The following UNC5C variants were observed in gnomAD, a reference collection of about 807,000 sequenced individuals.
The protein encoded by UNC5C is netrin receptor UNC5C.
UNC5C carries 47 observed loss-of-function variants against 99.8 expected under a neutral mutation model. The ratio of observed to expected loss-of-function variants is 0.47; its 90% CI spans 0.37 to 0.60. The LOEUF is 0.60. Ranked by LOEUF, UNC5C falls within the 20% of genes least tolerant of loss-of-function variation. The probability of loss-of-function intolerance (pLI) is 0.00; values close to 1 mark genes in which losing one functional copy is unlikely to be tolerated. For synonymous variants in UNC5C, 487 were observed against 452.2 expected, an observed-to-expected ratio of 1.08 and a Z score of -0.98; for missense variants, 1,062 against 1,165.9, an observed-to-expected ratio of 0.91 and a Z score of 1.30.
At chr4:95,364,736 G>C (rs767658540) in intron 1 of UNC5C, among the ~76,000 whole-genome samples, 2 of 152,118 alleles carry the variant, frequency 1.3e-5, no homozygotes, top group Non-Finnish European at 2.9e-5. Context: ...GATTACATGA[G>C]TAAGTACATC....
chr4:95,547,889 T>A (rs971247672), intron 1 of UNC5C, among the ~76,000 whole-genome samples: 4 of 152,226 alleles, frequency 2.6e-5, no homozygotes, highest in Non-Finnish European at 5.9e-5. Flanking sequence ...GGCCACACTC[T>A]TCCCAACCCG....
intron 1 of UNC5C, among the ~76,000 whole-genome samples, chr4:95,421,125 C>T (rs971511983): frequency 2.6e-5 from 4 of 152,226 alleles, no homozygotes; most frequent in African/African-American, 9.6e-5. Context: ...ATCCCCTCTC[C>T]AGTCATTTCT....
rs757885528 is a variant in UNC5C at position 95,202,969 on chromosome 4, G to A, written c.1903-5C>T. The stretch of plus-strand genomic sequence containing the variant: ...CTCCCCGACCACCACCACATCCTGG[G>A]GGACAAGAGGGAAGGGCCATGGCTA... On this transcript the variant is annotated splice_polypyrimidine_tract_variant and splice_region_variant and intron_variant, in intron 11 of 15. Coordinates refer to ENST00000453304, the MANE Select transcript of UNC5C (RefSeq NM_003728.4). 1.9e-6 allele frequency: 3 copies of A among 1,613,904 alleles called. No individual in the cohort carries two copies. The highest frequency in any genetic ancestry group is 4.5e-5 in the East Asian group (2 of 44,876).
chr4:95,263,272 C>T (rs1226282519), intron 4 of UNC5C, among the ~76,000 whole-genome samples: 1 of 152,150 alleles, frequency 6.6e-6, no homozygotes, highest in Admixed American at 6.5e-5. Context: ...GACATGGCAT[C>T]TTTTCCCACT....
chr4:95,371,148 CCTGT>C (rs1347867028), intron 1 of UNC5C, among the ~76,000 whole-genome samples: 3 of 152,182 alleles, frequency 2.0e-5, no homozygotes, highest in South Asian at 2.1e-4. Context: ...GGATTGAAAG[CCTGT>C]CTGTTTTCAG....
At chr4:95,539,978 G>C (rs550871378) in intron 1 of UNC5C, among the ~76,000 whole-genome samples, 2 of 149,248 alleles carry the variant, frequency 1.3e-5, no homozygotes, top group Non-Finnish European at 3.0e-5. Flanking sequence ...TTTTCACTGT[G>C]GTCATTTTAA....
chr4:95,282,102 C>G (rs534227269), intron 3 of UNC5C, among the ~76,000 whole-genome samples: 4 of 152,084 alleles, frequency 2.6e-5, no homozygotes, highest in Admixed American at 6.6e-5. Flanking sequence ...GCACTGGAAA[C>G]AGATGGCATC....
At chr4:95,437,216 T>A (rs947404494) in intron 1 of UNC5C, among the ~76,000 whole-genome samples, 1 of 151,834 alleles carries the variant, frequency 6.6e-6, no homozygotes, top group Non-Finnish European at 1.5e-5. Context: ...TAGTGTATCA[T>A]GTCAATTCTT....
chr4:95,178,430 T>C (rs1388219994), intron 14 of UNC5C, among the ~76,000 whole-genome samples: 1 of 149,856 alleles, frequency 6.7e-6, no homozygotes, highest in African/African-American at 2.5e-5. Context: ...TGGCTGTATT[T>C]GTAGGTTACT....
chr4:95,175,536 G>GA (rs1736304029), intron 14 of UNC5C, among the ~76,000 whole-genome samples: 1 of 152,084 alleles, frequency 6.6e-6, no homozygotes, highest in Admixed American at 6.5e-5. Context: ...ATTCTGGGTT[G>GA]AAAATTCTTT....
chr4:95,214,519 A>G lies in UNC5C; in HGVS notation c.1733+1605T>C, dbSNP rs946766742. Among the ~76,000 whole-genome samples the G allele has an allele frequency of 1.4e-4, 22 of 152,370 alleles. 2 individuals carry two copies. Among genetic ancestry groups the G allele is most frequent in the Admixed American group, 9.1e-4 (14 of 15,306 alleles). ...CTCTTTCTTTCATCTAAAATGTACAATTATCCTGGTTCGGCTGCCAAGGAA... is the reference window on the plus strand; with the variant it reads ...CTCTTTCTTTCATCTAAAATGTACAGTTATCCTGGTTCGGCTGCCAAGGAA... On this transcript the variant is annotated intron_variant, in intron 10 of 15. Coordinates refer to ENST00000453304, the MANE Select transcript of UNC5C (RefSeq NM_003728.4).
chr4:95,427,680 T>C (rs1746522731), intron 1 of UNC5C, among the ~76,000 whole-genome samples: 1 of 152,140 alleles, frequency 6.6e-6, no homozygotes, highest in African/African-American at 2.4e-5. Context: ...CATAATAGAC[T>C]CAGGATAGTG....
In UNC5C at chr4:95,323,286, C is replaced by A. The variant is rs1343656861; in HGVS notation, c.346+12124G>T. Among the ~76,000 whole-genome samples, 6 of 152,122 alleles carry A rather than the reference C, an allele frequency of 3.9e-5. No individual in the cohort carries two copies. The East Asian group carries it at 9.6e-4, about 24-fold the overall frequency. On this transcript the variant is annotated intron_variant, in intron 2 of 15. Coordinates refer to ENST00000453304, the MANE Select transcript of UNC5C (RefSeq NM_003728.4). ...GGAACAGTAAAAAACACAGACACGA[C>A]CCCGGATTTCATGGAGCTTTCTCTT...
chr4:95,260,416 A>G (rs1244088098), intron 4 of UNC5C, among the ~76,000 whole-genome samples: 1 of 152,178 alleles, frequency 6.6e-6, no homozygotes, highest in Non-Finnish European at 1.5e-5. Context: ...ATTAGGGATG[A>G]CATTCATTTA....
intron 1 of UNC5C, among the ~76,000 whole-genome samples, chr4:95,379,754 C>T (rs1399420189): frequency 6.6e-6 from 1 of 152,058 alleles, no homozygotes; most frequent in Non-Finnish European, 1.5e-5. Context: ...ATCAGCTCTC[C>T]GCAGCCATCA....
intron 1 of UNC5C, among the ~76,000 whole-genome samples, chr4:95,473,693 T>C (rs1485862895): frequency 6.6e-6 from 1 of 152,132 alleles, no homozygotes; most frequent in Non-Finnish European, 1.5e-5. Context: ...AGGCAGATTT[T>C]CAGTCAGTGA....
At chr4:95,540,032 T>A (rs1722877725) in intron 1 of UNC5C, among the ~76,000 whole-genome samples, 1 of 152,036 alleles carries the variant, frequency 6.6e-6, no homozygotes, top group East Asian at 1.9e-4. Context: ...TAAACAAAAA[T>A]AAAAATGACA....
chr4:95,308,464 A>G (rs1742139045), intron 2 of UNC5C, among the ~76,000 whole-genome samples: 1 of 152,020 alleles, frequency 6.6e-6, no homozygotes, highest in African/African-American at 2.4e-5. Context: ...GAAAAACATT[A>G]ATGGAAGGCC....
At chr4:95,191,462 A>G (rs1004048225) in intron 12 of UNC5C, among the ~76,000 whole-genome samples, 2 of 151,976 alleles carry the variant, frequency 1.3e-5, no homozygotes, top group African/African-American at 4.8e-5. Flanking sequence ...AAAAATTGTG[A>G]GGTGCTAGGG....
Sources: gnomAD v4.1 joint callset for allele counts (sites outside exome capture counted in the v4.1 genomes callset) on GRCh38, gnomAD v4.1.1 for gene constraint, MANE v1.5 for transcripts, NCBI Gene and HGNC (gene_info 2026-07-23, HGNC 2026-07-21) for gene names.